The following OSBPL5 variants were observed in gnomAD, a reference collection of about 807,000 sequenced individuals.
OSBPL5 encodes oxysterol binding protein like 5, also known as oxysterol-binding protein-related protein 5.
A neutral mutation model predicts 111.2 loss-of-function variants in OSBPL5; 71 were observed. The observed-to-expected ratio is 0.64, with a 90% CI of 0.53 to 0.78. The LOEUF (loss-of-function observed/expected upper bound fraction) is 0.78. Among genes scored for constraint, OSBPL5 ranks in the 30% least tolerant of loss-of-function variants. OSBPL5 has a pLI of 0.00. For synonymous variants in OSBPL5, 549 were observed against 513.9 expected, an observed-to-expected ratio of 1.07 and a Z score of -0.93; for missense variants, 1,210 against 1,189.3, an observed-to-expected ratio of 1.02 and a Z score of -0.26.
chr11:3,096,054 C>T (rs1205595498), intron 14 of OSBPL5, among the ~76,000 whole-genome samples: 2 of 152,072 alleles, frequency 1.3e-5, no homozygotes, highest in Non-Finnish European at 2.9e-5. Context: ...CCAGGAAAAT[C>T]CATGCTAGAG....
chr11:3,100,246 C>A lies in OSBPL5; in HGVS notation c.1533G>T (p.Leu511=), dbSNP rs778263624. 2.5e-6 allele frequency: 4 copies of A among 1,614,024 alleles called. No homozygotes were observed. In the South Asian group the frequency reaches 4.4e-5, roughly 18 times the overall value. The change falls in exon 14 of 22, where the codon CTG becomes CTT. Residue 511 remains leucine (L), a synonymous_variant. Transcript: ENST00000263650. ...TAKSRFYGNS[L]SALLDGKATL... ...TGGCTTTGCCGTCCAGCAGCGCCGA[C>A]AGCGAGTTCCCTGCAGAGACAAGAG...
intron 1 of OSBPL5, chr11:3,163,905 C>G (rs1847037828): frequency 6.6e-6 from 1 of 152,362 alleles, no homozygotes; most frequent in Non-Finnish European, 1.5e-5. Flanking sequence ...CAGGTTGCCA[C>G]AAACCTGCCC....
chr11:3,102,453 T>C (rs554953571), intron 11 of OSBPL5, among the ~76,000 whole-genome samples, 172 bp from the exon 12 acceptor site: 193 of 152,326 alleles, frequency 1.3e-3, no homozygotes, highest in Middle Eastern at 3.4e-3. Context: ...GCGGGGACTA[T>C]GCTTTGCCTG....
At chr11:3,119,386 A>T (rs1004565047) in intron 7 of OSBPL5, among the ~76,000 whole-genome samples, 161 bp downstream of exon 7, 1 of 152,236 alleles carries the variant, frequency 6.6e-6, no homozygotes, top group Non-Finnish European at 1.5e-5. Context: ...CTGTGAGTGT[A>T]GGCCTGACTC....
chr11:3,093,943 C>T (rs1857157128), intron 15 of OSBPL5, 108 bp from the exon 16 acceptor site: 2 of 1,380,640 alleles, frequency 1.4e-6, no homozygotes, highest in African/African-American at 2.9e-5. Flanking sequence ...GCCTGGGAGC[C>T]CAGGAGGGAT....
Position 3,107,749 on chromosome 11 carries a change from C to T in OSBPL5, c.866+22G>A. ...GAGACCCCGTGAATCACCACCAGCC[C>T]CTGTGCCCTCGCCCCACTCACGGGA... is the stretch of plus-strand genomic sequence containing the variant. On this transcript the variant is annotated intron_variant, in intron 8 of 21. Transcript: ENST00000263650. The surrounding 1 kb of genome is among the most constrained non-coding windows in gnomAD (Gnocchi z 6.1). 6.2e-7 allele frequency: 1 copy of T among 1,608,520 alleles called. No individual in the cohort carries two copies. The highest frequency in any genetic ancestry group is 8.5e-7 in the Non-Finnish European group (1 of 1,179,354).
intron 1 of OSBPL5, among the ~76,000 whole-genome samples, chr11:3,131,788 TCCA>T (rs1845803486): frequency 1.1e-5 from 1 of 91,684 alleles, no homozygotes. Flanking sequence ...CATCCATCCA[TCCA>T]CCTACCCATT....
chr11:3,148,575 G>A (rs1163135704), intron 1 of OSBPL5, among the ~76,000 whole-genome samples: 1 of 152,238 alleles, frequency 6.6e-6, no homozygotes, highest in Non-Finnish European at 1.5e-5. Flanking sequence ...CTTCCATGAC[G>A]GCAGGGCGGG....
In OSBPL5 at chr11:3,092,522, C is replaced by G; in HGVS notation, c.2169G>C (p.Gln723His). 6.3e-7 allele frequency: 1 copy of G among 1,588,596 alleles called. No individual in the cohort carries two copies. The highest frequency in any genetic ancestry group is 8.6e-7 in the Non-Finnish European group (1 of 1,167,810). ...TCCGCAGGATCCCGTCTTGCTCAAA[C>G]TGGGCGATGTCCTTCAGGGGGTCCC... The part of the protein sequence containing the change: ...SPWDPLKDIA[Q>H]FEQDGILRTL... The change falls in exon 19 of 22, where the codon CAG (glutamine) becomes CAC (histidine). Residue 723 changes from glutamine (Q) to histidine (H), a missense_variant. Coordinates refer to ENST00000263650, the MANE Select transcript of OSBPL5 (RefSeq NM_020896.4). This position sits in a 1 kb window ranked among gnomAD's most constrained non-coding sequence, Gnocchi z 5.4.
chr11:3,107,412 A>C lies in OSBPL5; in HGVS notation c.910T>G (p.Ser304Ala). The change falls in exon 9 of 22, where the codon TCG (serine) becomes GCG (alanine). Residue 304 changes from serine (S) to alanine (A), a missense_variant. By Grantham distance (99) the Ser-to-Ala change is moderately conservative. Coordinates refer to ENST00000263650, the MANE Select transcript of OSBPL5 (RefSeq NM_020896.4). This position sits in a 1 kb window ranked among gnomAD's most constrained non-coding sequence, Gnocchi z 6.1. ...SLENDAFSDK[S>A]ERENPEESDT... Reference sequence around the variant, plus strand: ...GACTCCTCAGGGTTCTCTCTCTCCGACTTGTCTGAGAATGCATCGTTCTCC... The same window carrying C: ...GACTCCTCAGGGTTCTCTCTCTCCGCCTTGTCTGAGAATGCATCGTTCTCC... The C allele has an allele frequency of 6.2e-7, 1 of 1,613,696 alleles. No homozygotes were observed. The highest frequency in any genetic ancestry group is 8.5e-7 in the Non-Finnish European group (1 of 1,179,918).
rs530781637 is a variant in OSBPL5, at chr11:3,095,219, G to C, written c.1622-885C>G. ...ATGGGGGGAGGTCTCCAGGCTCCACGGAGAGGAAGAAGGCCCAGGAGGCGG... is the reference window on the plus strand; with the variant it reads ...ATGGGGGGAGGTCTCCAGGCTCCACCGAGAGGAAGAAGGCCCAGGAGGCGG... On this transcript the variant is annotated intron_variant, in intron 14 of 21. Transcript: ENST00000263650. 2.0e-5 allele frequency among the ~76,000 whole-genome samples: 3 copies of C among 151,138 alleles called. No individual in the cohort carries two copies. In the South Asian group the frequency reaches 6.3e-4, roughly 32 times the overall value.
rs112442285 is a variant in OSBPL5 at position 3,126,858 on chromosome 11, T to C, written c.137-303A>G. Among the ~76,000 whole-genome samples, 3,044 of 151,662 alleles carry C rather than the reference T, an allele frequency of 0.02. 111 individuals are homozygous for C. The highest frequency in any genetic ancestry group is 0.071 in the African/African-American group (2,918 of 41,330). ...GCCTGCTGTAGTGTGCAATTGGGGGTCTGTGAAGGCCAGAGTCCCCAGTTT... is the reference window on the plus strand; with the variant it reads ...GCCTGCTGTAGTGTGCAATTGGGGGCCTGTGAAGGCCAGAGTCCCCAGTTT... On this transcript the variant is annotated intron_variant, in intron 2 of 21. Transcript: ENST00000263650. The surrounding 1 kb of genome is among the most constrained non-coding windows in gnomAD (Gnocchi z 6.5).
intron 7 of OSBPL5, among the ~76,000 whole-genome samples, chr11:3,108,426 G>A (rs1467566779): frequency 6.6e-6 from 1 of 152,148 alleles, no homozygotes; most frequent in Non-Finnish European, 1.5e-5. Flanking sequence ...GGGAAGCACT[G>A]GTCAGGGTGC....
intron 14 of OSBPL5, among the ~76,000 whole-genome samples, chr11:3,099,886 T>C (rs1485631946): frequency 6.6e-6 from 1 of 152,016 alleles, no homozygotes; most frequent in Non-Finnish European, 1.5e-5. Context: ...CTGACCAACA[T>C]GGTGAAACCC....
chr11:3,164,081 A>G (rs1282320332), intron 1 of OSBPL5: 1 of 152,250 alleles, frequency 6.6e-6, no homozygotes, highest in East Asian at 1.9e-4. Flanking sequence ...GGCAGACCCA[A>G]GAGCATCTAT....
rs151209916 is a variant in OSBPL5, at chr11:3,159,228, C to T, written c.-22+5988G>A. On this transcript the variant is annotated intron_variant, in intron 1 of 21. Coordinates refer to ENST00000263650, the MANE Select transcript of OSBPL5 (RefSeq NM_020896.4). ...GACAGGTATGTTCTTGAGGCGGGCG[C>T]GGGGAAGAGGTAGAACTCTCAGGTG... Among the ~76,000 whole-genome samples, 8 of 152,216 alleles carry T rather than the reference C, an allele frequency of 5.3e-5. No individual in the cohort carries two copies. In the South Asian group the frequency reaches 1.5e-3, roughly 28 times the overall value.
In OSBPL5 at chr11:3,127,305, A is replaced by G. The variant is rs111668076; in HGVS notation, c.137-750T>C. Among the ~76,000 whole-genome samples, 497 of 152,114 alleles carry G rather than the reference A, an allele frequency of 3.3e-3. 2 individuals carry two copies. Among genetic ancestry groups the G allele is most frequent in the African/African-American group, 0.011 (471 of 41,472 alleles). On this transcript the variant is annotated intron_variant, in intron 2 of 21. Transcript: ENST00000263650. ...TCGGAGGGGCTGGGGGCTGGAGTGA[A>G]CCCCATCCTGCCAAGGCCACAGGCG...
chr11:3,122,202 A>G (rs1170301183), intron 4 of OSBPL5, 104 bp from the exon 5 acceptor site: 16 of 1,286,538 alleles, frequency 1.2e-5, no homozygotes, highest in African/African-American at 1.0e-4. Context: ...GGGGCAGGAG[A>G]GGAAGTAGGA....
Position 3,143,721 on chromosome 11 carries a change from G to T in OSBPL5, c.-21-14552C>A, listed in dbSNP as rs562086728. ...GCCCGGTTCTGTCCCGGTTTCCTGG[G>T]GCTCTTTGGGGAAAGAGCATGGGCT... On this transcript the variant is annotated intron_variant, in intron 1 of 21. Coordinates refer to ENST00000263650, the MANE Select transcript of OSBPL5 (RefSeq NM_020896.4). Among the ~76,000 whole-genome samples the T allele has an allele frequency of 6.6e-5, 10 of 152,328 alleles. No homozygotes were observed. The South Asian group carries it at 2.1e-3, about 32-fold the overall frequency.
Sources: gnomAD v4.1 joint callset for allele counts (sites outside exome capture counted in the v4.1 genomes callset) on GRCh38, gnomAD v4.1.1 for gene constraint, Gnocchi (gnomAD v3.1) non-coding constraint, MANE v1.5 for transcripts, NCBI Gene and HGNC (gene_info 2026-07-23, HGNC 2026-07-21) for gene names.